The following LARGE1 variants were observed in gnomAD, a reference collection of about 807,000 sequenced individuals.
LARGE1 encodes the protein xylosyl- and glucuronyltransferase LARGE1.
Under a neutral mutation model 87.6 loss-of-function variants are expected in LARGE1, and 43 were observed. That is an observed-to-expected ratio of 0.49 (90% CI 0.38 to 0.63). The LOEUF is 0.63. LARGE1 is among the 30% of genes least tolerant of loss of function. LARGE1 has a pLI of 0.00. For missense variants in LARGE1, 802 were observed against 1,000.2 expected (o/e 0.80, Z 2.67); for synonymous variants, 434 against 394.6 (o/e 1.10, Z -1.18).
chr22:33,102,836 C>T, the LARGE1 span, among the ~76,000 whole-genome samples: 4 of 152,124 alleles, frequency 2.6e-5, no homozygotes, highest in African/African-American at 7.2e-5. Context: ...CCTTTCCACA[C>T]CTTGCAATCT....
At chr22:33,786,503 A>C (rs2085645184) in intron 1 of LARGE1, among the ~76,000 whole-genome samples, 1 of 152,110 alleles carries the variant, frequency 6.6e-6, no homozygotes, top group Non-Finnish European at 1.5e-5. Context: ...AAACAGTACA[A>C]AATATTCCAA....
At position 33,872,524 on chromosome 22, in the gene LARGE1, C is replaced by T. The variant is rs577133840; in HGVS notation, c.-83+47471G>A. Among the ~76,000 whole-genome samples, 332 of 152,022 alleles carry T rather than the reference C, an allele frequency of 2.2e-3. 1 individual carries two copies. The highest frequency in any genetic ancestry group is 7.7e-3 in the African/African-American group (321 of 41,456). ...CCATCATCACCACCAACACCGCCAC[C>T]CCCCCAGCGACACACTAGCTGTGGA... On this transcript the variant is annotated intron_variant, in intron 1 of 14. Transcript: ENST00000397394.
chr22:33,913,710 AT>A (rs570488449), intron 1 of LARGE1, among the ~76,000 whole-genome samples: 39 of 146,594 alleles, frequency 2.7e-4, no homozygotes, highest in Non-Finnish European at 2.3e-4. Context: ...TGCCCAGCTA[AT>A]TTTTTTTTTT....
At chr22:33,112,412 T>C in the LARGE1 span, among the ~76,000 whole-genome samples, 2 of 152,230 alleles carry the variant, frequency 1.3e-5, no homozygotes, top group East Asian at 3.8e-4. Flanking sequence ...AGAATGCATA[T>C]ACAGCGCATA....
chr22:33,176,396 C>T (rs964310520), intron 11 of LARGE1, among the ~76,000 whole-genome samples: 2 of 151,922 alleles, frequency 1.3e-5, no homozygotes, highest in African/African-American at 2.4e-5. Flanking sequence ...AATTTTTGCA[C>T]TCTATCCATA....
At chr22:33,844,964 C>T (rs1225111867) in intron 1 of LARGE1, among the ~76,000 whole-genome samples, 1 of 151,962 alleles carries the variant, frequency 6.6e-6, no homozygotes, top group Non-Finnish European at 1.5e-5. Context: ...GTGAGCCACC[C>T]GCCTCGGCCT....
intron 6 of LARGE1, among the ~76,000 whole-genome samples, chr22:33,561,065 C>T (rs975356344): frequency 1.1e-4 from 16 of 152,200 alleles, no homozygotes; most frequent in Non-Finnish European, 2.1e-4. Flanking sequence ...CTGCCGGGCT[C>T]GGCCTCCCAA....
At chr22:33,690,911 G>A (rs145019449) in intron 2 of LARGE1, among the ~76,000 whole-genome samples, 62 of 152,158 alleles carry the variant, frequency 4.1e-4, no homozygotes, top group African/African-American at 1.2e-3. Flanking sequence ...ATAAAGTACC[G>A]CTGAACTAGT....
chr22:33,244,920 T>C (rs1163443852), intron 11 of LARGE1, among the ~76,000 whole-genome samples: 2 of 152,082 alleles, frequency 1.3e-5, no homozygotes, highest in Non-Finnish European at 2.9e-5. Context: ...CCACCAAGTC[T>C]TCATACAAGT....
At chr22:33,642,033 A>C (rs1421632566) in intron 3 of LARGE1, among the ~76,000 whole-genome samples, 1 of 152,152 alleles carries the variant, frequency 6.6e-6, no homozygotes, top group Non-Finnish European at 1.5e-5. Context: ...TACAGAGAAC[A>C]CCACAAAGAT....
At chr22:33,794,250 G>C (rs1246158051) in intron 1 of LARGE1, among the ~76,000 whole-genome samples, 1 of 152,094 alleles carries the variant, frequency 6.6e-6, no homozygotes, top group Admixed American at 6.6e-5. Context: ...CCAAACACTA[G>C]ACCACAAAAG....
chr22:33,228,075 G>T (rs1925821712), intron 11 of LARGE1, among the ~76,000 whole-genome samples: 2 of 152,202 alleles, frequency 1.3e-5, no homozygotes, highest in Admixed American at 1.3e-4. Flanking sequence ...GCATTAGAAT[G>T]CCCAGATTTG....
intron 1 of LARGE1, among the ~76,000 whole-genome samples, chr22:33,838,568 G>A (rs753482064): frequency 1.3e-5 from 2 of 152,200 alleles, no homozygotes; most frequent in African/African-American, 2.4e-5. Flanking sequence ...GAGCCCAAGA[G>A]TTTGAGGCTG....
intron 3 of LARGE1, among the ~76,000 whole-genome samples, chr22:33,642,149 A>G (rs2080453792): frequency 1.3e-5 from 2 of 152,198 alleles, no homozygotes. Context: ...CAGGCTACCT[A>G]TGGAGGGAAG....
chr22:33,915,068 TCTAA>T (rs1203964042), intron 1 of LARGE1, among the ~76,000 whole-genome samples: 1 of 130,360 alleles, frequency 7.7e-6, no homozygotes. Flanking sequence ...GAGAGAGGCT[TCTAA>T]CTTTTATTCC....
rs74801060 is a variant in LARGE1 at position 33,607,064 on chromosome 22, T to C, written c.492-2506A>G. On this transcript the variant is annotated intron_variant, in intron 4 of 14. Coordinates refer to ENST00000397394, the MANE Select transcript of LARGE1 (RefSeq NM_133642.5). The stretch of plus-strand genomic sequence containing the variant: ...CACAGTGCCTAGAAGAGAGTAGGAG[T>C]TGAATCAATGAACTGAATGGATAGA... Among the ~76,000 whole-genome samples the C allele has an allele frequency of 8.9e-3, 1,358 of 151,740 alleles. 21 individuals are homozygous for C. Among genetic ancestry groups the C allele is most frequent in the African/African-American group, 0.031 (1,276 of 41,342 alleles).
intron 1 of LARGE1, among the ~76,000 whole-genome samples, chr22:33,867,600 C>A (rs969737258): frequency 3.3e-5 from 5 of 152,204 alleles, no homozygotes; most frequent in African/African-American, 1.2e-4. Context: ...TTTCCAAAAT[C>A]TGAAAGCTCT....
At chr22:33,796,568 G>A (rs2085990755) in intron 1 of LARGE1, among the ~76,000 whole-genome samples, 1 of 152,050 alleles carries the variant, frequency 6.6e-6, no homozygotes, top group African/African-American at 2.4e-5. Context: ...ATCAATCAAA[G>A]AAGGACATGG....
At chr22:33,612,133 C>T (rs140957758) in intron 4 of LARGE1, among the ~76,000 whole-genome samples, 11 of 138,228 alleles carry the variant, frequency 8.0e-5, no homozygotes, top group East Asian at 2.5e-4. Flanking sequence ...GAAAGAGTTT[C>T]GCTCTTATTG....
Sources: gnomAD v4.1 joint callset for allele counts (sites outside exome capture counted in the v4.1 genomes callset) on GRCh38, gnomAD v4.1.1 for gene constraint, MANE v1.5 for transcripts, NCBI Gene and HGNC (gene_info 2026-07-23, HGNC 2026-07-21) for gene names.